The following CDK13 variants were observed in gnomAD, a reference collection of about 807,000 sequenced individuals.
CDK13 encodes the protein cyclin dependent kinase 13, also known as cyclin-dependent kinase 13.
In CDK13, 40 loss-of-function variants were observed where a neutral mutation model predicts 137.6. That is an observed-to-expected ratio of 0.29 (90% CI 0.23 to 0.38). The LOEUF is 0.38. CDK13 is among the 10% of genes least tolerant of loss of function. The pLI is 1.00. For missense variants in CDK13, 1,704 were observed against 1,951.8 expected, an observed-to-expected ratio of 0.87 and a Z score of 2.39; for synonymous variants, 869 against 760.1, an observed-to-expected ratio of 1.14 and a Z score of -2.36.
intron 5 of CDK13, among the ~76,000 whole-genome samples, chr7:40,022,652 T>C (rs1785151954): frequency 1.1e-5 from 1 of 92,606 alleles, no homozygotes; most frequent in South Asian, 4.0e-4. Context: ...GGAAGTATCT[T>C]TTTTTTTTTT....
At chr7:40,056,239 A>G (rs1436380892) in intron 7 of CDK13, among the ~76,000 whole-genome samples, 1 of 152,186 alleles carries the variant, frequency 6.6e-6, no homozygotes, top group Admixed American at 6.5e-5. Flanking sequence ...GGTACCTATT[A>G]TGCAAAATTT....
chr7:39,966,908 C>T (rs1035489275), intron 1 of CDK13, among the ~76,000 whole-genome samples: 9 of 152,102 alleles, frequency 5.9e-5, no homozygotes, highest in South Asian at 2.1e-4. Context: ...GTATCAGCAG[C>T]GGAGGCTGCA....
chr7:40,027,076 G>T (rs995392272), intron 5 of CDK13, among the ~76,000 whole-genome samples: 41 of 152,182 alleles, frequency 2.7e-4, no homozygotes, highest in Non-Finnish European at 1.2e-4. Context: ...GAGTGCAGTG[G>T]CTCATGCTTG....
At chr7:39,985,203 A>G (rs553835668) in intron 1 of CDK13, 1 of 151,154 alleles carries the variant, frequency 6.6e-6, no homozygotes, top group East Asian at 2.0e-4. Context: ...GCTCCCACAA[A>G]TAAGTGAGAA....
In CDK13 at chr7:40,084,668, A is replaced by G. The variant is rs559016155; in HGVS notation, c.3030-3458A>G. Among the ~76,000 whole-genome samples, 6 of 152,358 alleles carry G rather than the reference A, an allele frequency of 3.9e-5. No homozygotes were observed. The East Asian group carries it at 1.2e-3, about 29-fold the overall frequency. On this transcript the variant is annotated intron_variant, in intron 11 of 13. Coordinates refer to ENST00000181839, the MANE Select transcript of CDK13 (RefSeq NM_003718.5). ...TTGCCATTAGAATGAATATTTCACAATAATGATTTGATGGAAATAGTTGTA... is the reference window on the plus strand; with the variant it reads ...TTGCCATTAGAATGAATATTTCACAGTAATGATTTGATGGAAATAGTTGTA...
chr7:40,031,999 C>T (rs1284515179), intron 5 of CDK13, among the ~76,000 whole-genome samples: 1 of 151,810 alleles, frequency 6.6e-6, no homozygotes, highest in Admixed American at 6.6e-5. Context: ...TACCAATCTC[C>T]CAGTCTGACT....
intron 1 of CDK13, among the ~76,000 whole-genome samples, chr7:39,981,650 G>C (rs1784225648): frequency 6.6e-6 from 1 of 152,110 alleles, no homozygotes; most frequent in Non-Finnish European, 1.5e-5. Context: ...TGAGAGAATG[G>C]AAACTTACTA....
chr7:39,999,840 A>G (rs1253946092), intron 4 of CDK13, among the ~76,000 whole-genome samples: 3 of 151,696 alleles, frequency 2.0e-5, no homozygotes, highest in Non-Finnish European at 2.9e-5. Flanking sequence ...TTAGTAGTAA[A>G]TTTTTTTTGT....
At chr7:40,057,394 A>G (rs908975100) in intron 7 of CDK13, among the ~76,000 whole-genome samples, 1 of 152,202 alleles carries the variant, frequency 6.6e-6, no homozygotes, top group Non-Finnish European at 1.5e-5. Context: ...CATCTTCTAC[A>G]CATGCCTTCC....
intron 5 of CDK13, among the ~76,000 whole-genome samples, chr7:40,003,153 TACACACACACACACACACACACAC>T (rs71560157): frequency 2.5e-5 from 3 of 119,894 alleles, no homozygotes; most frequent in African/African-American, 6.7e-5. Context: ...CTTCCCCAGC[TACACACACACACACACACACACAC>T]ACACACACAC....
chr7:39,976,788 C>T (rs1389298369), intron 1 of CDK13, among the ~76,000 whole-genome samples: 1 of 152,118 alleles, frequency 6.6e-6, no homozygotes, highest in Non-Finnish European at 1.5e-5. Flanking sequence ...TAGGGTCTCT[C>T]TCAACATATC....
chr7:40,010,124 T>C (rs1263840814), intron 5 of CDK13, among the ~76,000 whole-genome samples: 1 of 152,104 alleles, frequency 6.6e-6, no homozygotes, highest in Non-Finnish European at 1.5e-5. Flanking sequence ...TATCGTAATA[T>C]AATAAAATAA....
At chr7:40,013,200 A>G (rs933465168) in intron 5 of CDK13, among the ~76,000 whole-genome samples, 3 of 152,206 alleles carry the variant, frequency 2.0e-5, no homozygotes, top group Admixed American at 6.5e-5. Flanking sequence ...TGAGGTACCT[A>G]CAGTAGTCAA....
At position 39,964,201 on chromosome 7, in the gene CDK13, C is replaced by T. The variant is rs185994733; in HGVS notation, c.1211+12349C>T. 6.2e-3 allele frequency among the ~76,000 whole-genome samples: 950 copies of T among 152,274 alleles called. 13 individuals carry two copies. The highest frequency in any genetic ancestry group is 0.021 in the African/African-American group (877 of 41,568). On this transcript the variant is annotated intron_variant, in intron 1 of 13. Coordinates refer to ENST00000181839, the MANE Select transcript of CDK13 (RefSeq NM_003718.5). Reference sequence around the variant, plus strand: ...ATAGTTTCAGAAGGAATGGTACCAGCTCCTCCTTGTACCTCTGGTAGAATT... The same window carrying T: ...ATAGTTTCAGAAGGAATGGTACCAGTTCCTCCTTGTACCTCTGGTAGAATT...
chr7:40,077,593 G>T (rs1043201179), intron 9 of CDK13, among the ~76,000 whole-genome samples: 1 of 152,216 alleles, frequency 6.6e-6, no homozygotes, highest in African/African-American at 2.4e-5. Context: ...GGTGGCTCAT[G>T]CCTGTAATTC....
intron 5 of CDK13, among the ~76,000 whole-genome samples, chr7:40,033,314 C>A (rs1445923955): frequency 6.6e-6 from 1 of 152,032 alleles, no homozygotes; most frequent in Admixed American, 6.6e-5. Context: ...TGCATTTTGC[C>A]CACCTTTTTT....
chr7:40,009,258 C>G (rs990997059), intron 5 of CDK13, among the ~76,000 whole-genome samples: 4 of 152,182 alleles, frequency 2.6e-5, no homozygotes, highest in Non-Finnish European at 4.4e-5. Flanking sequence ...GGCATAATGT[C>G]ACTTGGGTGA....
chr7:39,967,896 A>G (rs1271720528), intron 1 of CDK13, among the ~76,000 whole-genome samples: 2 of 151,974 alleles, frequency 1.3e-5, no homozygotes, highest in Non-Finnish European at 2.9e-5. Context: ...TCCTTTTTAA[A>G]AAAAAAAATT....
intron 5 of CDK13, among the ~76,000 whole-genome samples, chr7:40,017,444 A>G (rs1243309422): frequency 6.6e-6 from 1 of 152,126 alleles, no homozygotes; most frequent in Non-Finnish European, 1.5e-5. Flanking sequence ...TAGGTACTTT[A>G]CTGAAGCACA....
Sources: allele counts gnomAD v4.1 joint callset (sites outside exome capture counted in the v4.1 genomes callset), GRCh38; gene constraint gnomAD v4.1.1; transcripts MANE v1.5; gene names NCBI Gene and HGNC (gene_info 2026-07-23, HGNC 2026-07-21).